DIP2C: variants seen among roughly 807,000 people sequenced by gnomAD.
DIP2C encodes the protein DIP2 acetate--CoA ligase C (putative), also known as disco-interacting protein 2 homolog C.
In DIP2C, 33 loss-of-function variants were observed where a neutral mutation model predicts 192.4. That is an observed-to-expected ratio of 0.17 (90% CI 0.13 to 0.23). The LOEUF (loss-of-function observed/expected upper bound fraction) is 0.23. Among genes scored for constraint, DIP2C ranks in the 10% least tolerant of loss-of-function variants. The pLI is 1.00. For synonymous variants in DIP2C, 979 were observed against 864.1 expected (o/e 1.13, Z -2.33); for missense variants, 1,537 against 2,110.1 (o/e 0.73, Z 5.32).
chr10:283,521 C>A (rs1025803260), intron 34 of DIP2C, 75 bp from the exon 35 acceptor site: 1 of 1,518,868 alleles, frequency 6.6e-7, no homozygotes, highest in Non-Finnish European at 9.0e-7. Flanking sequence ...ACTACTTTGA[C>A]AATTCAGTAC....
chr10:493,753 C>CG (rs1224008115), intron 1 of DIP2C, among the ~76,000 whole-genome samples: 2 of 152,206 alleles, frequency 1.3e-5, no homozygotes, highest in African/African-American at 4.8e-5. Flanking sequence ...CCTACAAAGT[C>CG]GGGGTCTTAC....
At chr10:527,181 G>A (rs543669619) in intron 1 of DIP2C, among the ~76,000 whole-genome samples, 5 of 152,330 alleles carry the variant, frequency 3.3e-5, no homozygotes, top group South Asian at 4.1e-4. Context: ...GCCCCGTACC[G>A]TGCGAAGTGC....
chr10:653,459 A>G (rs907512933), intron 1 of DIP2C, among the ~76,000 whole-genome samples: 1 of 152,220 alleles, frequency 6.6e-6, no homozygotes, highest in African/African-American at 2.4e-5. Context: ...AAAAATAAAA[A>G]TAAAAAATAA....
intron 1 of DIP2C, among the ~76,000 whole-genome samples, chr10:545,994 A>T (rs1231835602): frequency 6.6e-6 from 1 of 152,208 alleles, no homozygotes; most frequent in African/African-American, 2.4e-5. Flanking sequence ...CTTTCTCATG[A>T]GGCCGGGCAT....
At chr10:501,792 T>A (rs1845251486) in intron 1 of DIP2C, among the ~76,000 whole-genome samples, 1 of 152,178 alleles carries the variant, frequency 6.6e-6, no homozygotes, top group African/African-American at 2.4e-5. Flanking sequence ...GGCCAGGCAC[T>A]GTGCCAGGTA....
intron 1 of DIP2C, among the ~76,000 whole-genome samples, chr10:588,589 A>G (rs1851223592): frequency 6.6e-6 from 1 of 152,244 alleles, no homozygotes; most frequent in Non-Finnish European, 1.5e-5. Context: ...AGGTCCCGGC[A>G]GAGGTCCCAG....
At chr10:574,761 C>T (rs908018412) in intron 1 of DIP2C, among the ~76,000 whole-genome samples, 2 of 152,218 alleles carry the variant, frequency 1.3e-5, no homozygotes, top group African/African-American at 4.8e-5. Context: ...ACACTCAATG[C>T]TGCCACTATC....
chr10:535,680 A>T (rs1267198970), intron 1 of DIP2C, among the ~76,000 whole-genome samples: 2 of 152,108 alleles, frequency 1.3e-5, no homozygotes, highest in African/African-American at 4.8e-5. Flanking sequence ...TCAAGATGCA[A>T]TGTTACAGTC....
rs1856031752 is a variant in DIP2C, at chr10:652,870, A to C, written c.85+36624T>G. On this transcript the variant is annotated intron_variant, in intron 1 of 36. Coordinates refer to ENST00000280886, the MANE Select transcript of DIP2C (RefSeq NM_014974.3). This position sits in a 1 kb window ranked among gnomAD's most constrained non-coding sequence, Gnocchi z 4.5. ...CTTGACTTTCTTGGGCATTTTCCAC[A>C]CCAGGACAGATGGACCCTGCTCTCC... is the stretch of plus-strand genomic sequence containing the variant. Among the ~76,000 whole-genome samples, 1 of 151,330 alleles carries C rather than the reference A, an allele frequency of 6.6e-6. No individual in the cohort carries two copies. Among genetic ancestry groups the C allele is most frequent in the South Asian group, 2.1e-4 (1 of 4,768 alleles).
At position 524,042 on chromosome 10, in the gene DIP2C, C is replaced by G. The variant is rs374881704; in HGVS notation, c.86-37512G>C. On this transcript the variant is annotated intron_variant, in intron 1 of 36. Transcript: ENST00000280886. ...ACTCCCAGGAGGCCGTGCAATGGCCCGAGGCTGGTTCCACCTCCCGCCCTC... is the reference window on the plus strand; with the variant it reads ...ACTCCCAGGAGGCCGTGCAATGGCCGGAGGCTGGTTCCACCTCCCGCCCTC... Among the ~76,000 whole-genome samples, 38 of 152,270 alleles carry G rather than the reference C, an allele frequency of 2.5e-4. No homozygotes were observed. In the East Asian group the frequency reaches 6.6e-3, roughly 26 times the overall value.
At chr10:579,364 C>T (rs1850417753) in intron 1 of DIP2C, among the ~76,000 whole-genome samples, 1 of 151,494 alleles carries the variant, frequency 6.6e-6, no homozygotes, top group Admixed American at 6.6e-5. Context: ...ATGTAGTGTA[C>T]AAACAAGTTC....
intron 1 of DIP2C, among the ~76,000 whole-genome samples, chr10:537,161 G>C (rs1335470111): frequency 6.6e-6 from 1 of 152,084 alleles, no homozygotes; most frequent in Non-Finnish European, 1.5e-5. Flanking sequence ...ACCACCCAGA[G>C]GCAAGGCCGT....
intron 24 of DIP2C, among the ~76,000 whole-genome samples, chr10:352,612 C>T (rs1013873203): frequency 6.6e-6 from 1 of 152,200 alleles, no homozygotes; most frequent in Admixed American, 6.5e-5. Context: ...CATGGCCAGG[C>T]AGGGCCATGG....
At chr10:577,759 G>A (rs1180399570) in intron 1 of DIP2C, among the ~76,000 whole-genome samples, 1 of 151,972 alleles carries the variant, frequency 6.6e-6, no homozygotes, top group African/African-American at 2.4e-5. Flanking sequence ...AGGCAACCTA[G>A]TAAGAGGAAC....
intron 32 of DIP2C, among the ~76,000 whole-genome samples, chr10:304,978 C>T (rs1302977701): frequency 6.6e-6 from 1 of 152,200 alleles, no homozygotes; most frequent in South Asian, 2.1e-4. Context: ...AATGTGTACA[C>T]ATTTGAAAGT....
chr10:671,212 G>C (rs1007591479), intron 1 of DIP2C, among the ~76,000 whole-genome samples: 2 of 152,254 alleles, frequency 1.3e-5, no homozygotes, highest in African/African-American at 2.4e-5. Flanking sequence ...AGCACACAGC[G>C]ATCAGTAAGT....
At chr10:681,807 C>T (rs538936441) in intron 1 of DIP2C, among the ~76,000 whole-genome samples, 26 of 152,240 alleles carry the variant, frequency 1.7e-4, no homozygotes, top group Non-Finnish European at 3.1e-4. Flanking sequence ...GGGAAGTTGG[C>T]CCCAGGAACG....
chr10:530,560 G>A (rs533845046), intron 1 of DIP2C, among the ~76,000 whole-genome samples: 5 of 149,132 alleles, frequency 3.4e-5, no homozygotes, highest in African/African-American at 9.8e-5. Context: ...GCTCAAGCCT[G>A]TAAGCCCAGC....
At chr10:349,807 G>A (rs1589569894) in intron 24 of DIP2C, among the ~76,000 whole-genome samples, 2 of 152,282 alleles carry the variant, frequency 1.3e-5, no homozygotes, top group South Asian at 2.1e-4. Flanking sequence ...TGTCATTGTC[G>A]TGGGCAGTGG....
Sources: gnomAD v4.1 joint callset for allele counts (sites outside exome capture counted in the v4.1 genomes callset) on GRCh38, gnomAD v4.1.1 for gene constraint, Gnocchi (gnomAD v3.1) non-coding constraint, MANE v1.5 for transcripts, NCBI Gene and HGNC (gene_info 2026-07-23, HGNC 2026-07-21) for gene names.